Variants in TRHDE observed in about 807,000 individuals in gnomAD.
TRHDE encodes thyrotropin-releasing hormone-degrading ectoenzyme.
A neutral mutation model predicts 125.7 loss-of-function variants in TRHDE; 72 were observed. The ratio of observed to expected loss-of-function variants is 0.57; its 90% confidence interval spans 0.47 to 0.70. TRHDE has a LOEUF of 0.70. Among genes scored for constraint, TRHDE ranks in the 30% least tolerant of loss-of-function variants. The pLI is 0.00. For synonymous variants in TRHDE, 509 were observed against 509.1 expected (o/e 1.00, Z 0.00); for missense variants, 1,110 against 1,327.1 (o/e 0.84, Z 2.54).
At chr12:72,447,134 A>C (rs1054394064) in intron 3 of TRHDE, among the ~76,000 whole-genome samples, 1 of 152,150 alleles carries the variant, frequency 6.6e-6, no homozygotes, top group Non-Finnish European at 1.5e-5. Flanking sequence ...CTCCTCAGCA[A>C]ATGTAAAAGA....
At chr12:72,506,788 A>C (rs559861400) in intron 6 of TRHDE, among the ~76,000 whole-genome samples, 39 of 152,302 alleles carry the variant, frequency 2.6e-4, no homozygotes, top group African/African-American at 9.4e-4. Context: ...TGTCTCTGCT[A>C]TCAGAGTATT....
At chr12:72,643,414 C>A (rs950295104) in intron 15 of TRHDE, among the ~76,000 whole-genome samples, 1 of 152,098 alleles carries the variant, frequency 6.6e-6, no homozygotes, top group Non-Finnish European at 1.5e-5. Flanking sequence ...GAAACTTGAC[C>A]AGCAGTTTTT....
intron 12 of TRHDE, among the ~76,000 whole-genome samples, chr12:72,577,288 T>C (rs541289284): frequency 5.9e-5 from 9 of 152,172 alleles, no homozygotes; most frequent in Non-Finnish European, 1.2e-4. Flanking sequence ...CTTTTCTATT[T>C]TATATATAGT....
At chr12:72,630,603 G>T (rs1039359825) in intron 15 of TRHDE, among the ~76,000 whole-genome samples, 1 of 151,630 alleles carries the variant, frequency 6.6e-6, no homozygotes. Context: ...ATAATCAGTA[G>T]TTTTGATTTT....
At chr12:72,120,682 T>TA (rs1254498922) in intron 2 of TRHDE, among the ~76,000 whole-genome samples, 2 of 147,156 alleles carry the variant, frequency 1.4e-5, no homozygotes, top group Non-Finnish European at 3.0e-5. Flanking sequence ...AACTTTTTTT[T>TA]TTTTTTTTTT....
intron 18 of TRHDE, among the ~76,000 whole-genome samples, chr12:72,662,184 C>T (rs1202731521): frequency 1.3e-5 from 2 of 152,152 alleles, no homozygotes; most frequent in African/African-American, 4.8e-5. Flanking sequence ...ACACTAATTA[C>T]ACCACATAAT....
intron 5 of TRHDE, among the ~76,000 whole-genome samples, chr12:72,490,768 A>C (rs982556050): frequency 5.3e-5 from 8 of 151,484 alleles, no homozygotes; most frequent in African/African-American, 1.9e-4. Context: ...AAAAAAAAAA[A>C]AAAACAACCC....
intron 2 of TRHDE, among the ~76,000 whole-genome samples, chr12:72,324,056 A>G (rs1592544758): frequency 6.6e-6 from 1 of 152,104 alleles, no homozygotes; most frequent in African/African-American, 2.4e-5. Flanking sequence ...CTTCCTGTGC[A>G]TGTTTATCCT....
intron 3 of TRHDE, among the ~76,000 whole-genome samples, chr12:72,397,307 C>T (rs897349109): frequency 6.6e-6 from 1 of 152,208 alleles, no homozygotes; most frequent in Non-Finnish European, 1.5e-5. Flanking sequence ...TTCCAAGTCA[C>T]CAAGCCATCA....
At chr12:72,469,977 A>C (rs1565754590) in intron 4 of TRHDE, 65 bp downstream of exon 4, 7 of 1,500,710 alleles carry the variant, frequency 4.7e-6, no homozygotes, top group Non-Finnish European at 6.4e-6. Context: ...TTGAATACCT[A>C]CATTAAGAGC....
intron 5 of TRHDE, among the ~76,000 whole-genome samples, chr12:72,478,353 T>A (rs1011542952): frequency 6.6e-6 from 1 of 152,132 alleles, no homozygotes; most frequent in Non-Finnish European, 1.5e-5. Context: ...GTCTTTGAAA[T>A]GGACCTCTTC....
chr12:72,327,432 A>G (rs1165131830), intron 2 of TRHDE, among the ~76,000 whole-genome samples: 1 of 152,138 alleles, frequency 6.6e-6, no homozygotes, highest in Non-Finnish European at 1.5e-5. Flanking sequence ...TGGTTAAAGA[A>G]TTTAGGTTAT....
intron 2 of TRHDE, among the ~76,000 whole-genome samples, chr12:72,306,092 C>T (rs578206864): frequency 6.6e-6 from 1 of 152,180 alleles, no homozygotes; most frequent in African/African-American, 2.4e-5. Flanking sequence ...TGCCTTATGG[C>T]CAAGTGTTTT....
chr12:72,165,993 A>G (rs1876738835), intron 2 of TRHDE, among the ~76,000 whole-genome samples: 1 of 152,200 alleles, frequency 6.6e-6, no homozygotes, highest in Admixed American at 6.5e-5. Flanking sequence ...CATTGTTAAG[A>G]AATTTTGTTG....
chr12:72,206,736 T>A (rs186010882), intron 2 of TRHDE, among the ~76,000 whole-genome samples: 2,633 of 152,114 alleles, frequency 0.017, 44 homozygotes, highest in Middle Eastern at 0.044. Context: ...ATGAAAATTT[T>A]AAAAAAGAAA....
chr12:72,106,372 G>T (rs370387289), intron 2 of TRHDE, among the ~76,000 whole-genome samples: 13 of 151,836 alleles, frequency 8.6e-5, no homozygotes, highest in African/African-American at 3.1e-4. Flanking sequence ...TTTAGTTAAA[G>T]AAAAAGGTAA....
intron 15 of TRHDE, among the ~76,000 whole-genome samples, chr12:72,651,658 T>C (rs1174883924): frequency 6.6e-6 from 1 of 151,802 alleles, no homozygotes; most frequent in Non-Finnish European, 1.5e-5. Context: ...GGGATGAAAA[T>C]TTTCAACTTA....
At chr12:72,474,442 C>G (rs1312605797) in intron 5 of TRHDE, among the ~76,000 whole-genome samples, 4 of 152,084 alleles carry the variant, frequency 2.6e-5, no homozygotes, top group African/African-American at 9.7e-5. Context: ...TCCTCCTCCC[C>G]CAAGCCTCTG....
chr12:72,438,058 C>G (rs1874823926), intron 3 of TRHDE, among the ~76,000 whole-genome samples: 1 of 151,822 alleles, frequency 6.6e-6, no homozygotes, highest in African/African-American at 2.4e-5. Context: ...GGTTATTTCA[C>G]TTAACATAAT....
Sources: allele counts gnomAD v4.1 joint callset (sites outside exome capture counted in the v4.1 genomes callset), GRCh38; gene constraint gnomAD v4.1.1; transcripts MANE v1.5; gene names NCBI Gene and HGNC (gene_info 2026-07-23, HGNC 2026-07-21).